The following HTR1E variants were observed in gnomAD, a reference collection of about 807,000 sequenced individuals.
The protein encoded by HTR1E is 5-hydroxytryptamine receptor 1E, also known as 5-HT-1E.
A neutral mutation model predicts 3.4 loss-of-function variants in HTR1E; 3 were observed. The ratio of observed to expected loss-of-function variants is 0.89; its 90% CI spans 0.41 to 2.31. The LOEUF (loss-of-function observed/expected upper bound fraction) is 2.31. Among genes scored for constraint, HTR1E ranks in the 30% most tolerant of loss-of-function variants. HTR1E has a pLI of 0.05. For missense variants in HTR1E, 392 were observed against 467.0 expected (o/e 0.84, Z 1.48); for synonymous variants, 170 against 182.8 (o/e 0.93, Z 0.56).
At chr6:86,955,842 G>T (rs1287869626) in intron 1 of HTR1E, among the ~76,000 whole-genome samples, 1 of 152,036 alleles carries the variant, frequency 6.6e-6, no homozygotes, top group South Asian at 2.1e-4. Context: ...ATTTACACTT[G>T]TTGCTGCAAC....
chr6:86,973,623 T>A (rs1356103362), intron 1 of HTR1E, among the ~76,000 whole-genome samples: 1 of 152,138 alleles, frequency 6.6e-6, no homozygotes, highest in Non-Finnish European at 1.5e-5. Flanking sequence ...TTGCTTCATT[T>A]TAATAGTAAA....
At chr6:87,009,055 ATTTTTTT>A (rs200180275) in intron 1 of HTR1E, among the ~76,000 whole-genome samples, 2 of 141,802 alleles carry the variant, frequency 1.4e-5, no homozygotes, top group African/African-American at 5.2e-5. Context: ...ACTTCTTTTT[ATTTTTTT>A]TTTTTAATTT....
intron 1 of HTR1E, among the ~76,000 whole-genome samples, chr6:86,978,942 C>T (rs891301890): frequency 2.0e-5 from 3 of 152,170 alleles, no homozygotes; most frequent in Non-Finnish European, 4.4e-5. Context: ...GGAAATGATG[C>T]TACACAAATT....
chr6:86,939,079 C>G (rs1477971844), intron 1 of HTR1E, among the ~76,000 whole-genome samples: 2 of 152,198 alleles, frequency 1.3e-5, no homozygotes, highest in East Asian at 3.8e-4. Flanking sequence ...ATTGAGACAG[C>G]TTTTCTCTTT....
Position 87,001,110 on chromosome 6 carries a change from G to A in HTR1E, c.-185-14040G>A, listed in dbSNP as rs564891741. On this transcript the variant is annotated intron_variant, in intron 1 of 1. Coordinates refer to ENST00000305344, the MANE Select transcript of HTR1E (RefSeq NM_000865.3). ...CAGCTTAAAATAATGGGCTGTAAGG[G>A]ATTATTTGCCAGCCTCATGGTAACC... Among the ~76,000 whole-genome samples the A allele has an allele frequency of 3.9e-5, 6 of 152,110 alleles. No individual in the cohort carries two copies. The South Asian group carries it at 1.3e-3, about 32-fold the overall frequency.
intron 1 of HTR1E, among the ~76,000 whole-genome samples, chr6:87,001,658 G>T (rs559538227): frequency 4.7e-4 from 71 of 152,296 alleles, no homozygotes; most frequent in African/African-American, 1.6e-3. Flanking sequence ...GGGCAAGGAA[G>T]CAATCATGAC....
intron 1 of HTR1E, among the ~76,000 whole-genome samples, chr6:86,963,629 T>A (rs576865539): frequency 6.6e-6 from 1 of 152,320 alleles, no homozygotes; most frequent in South Asian, 2.1e-4. Flanking sequence ...ACCATTTTTT[T>A]ATCTTGCATA....
At chr6:86,962,823 G>C (rs567728349) in intron 1 of HTR1E, among the ~76,000 whole-genome samples, 52 of 152,100 alleles carry the variant, frequency 3.4e-4, no homozygotes, top group Admixed American at 6.6e-4. Flanking sequence ...GGGTGACAGA[G>C]CGAGACCCTG....
At chr6:86,988,650 G>A (rs1016426062) in intron 1 of HTR1E, among the ~76,000 whole-genome samples, 1 of 152,088 alleles carries the variant, frequency 6.6e-6, no homozygotes, top group African/African-American at 2.4e-5. Flanking sequence ...TAAACAGTAA[G>A]CATGACTCCC....
intron 1 of HTR1E, among the ~76,000 whole-genome samples, chr6:86,955,814 C>G (rs1767314167): frequency 6.6e-6 from 1 of 151,966 alleles, no homozygotes; most frequent in Non-Finnish European, 1.5e-5. Flanking sequence ...TTTCAAAAAG[C>G]TGAGAAACTG....
intron 1 of HTR1E, among the ~76,000 whole-genome samples, chr6:86,940,977 C>G (rs1768537131): frequency 6.6e-6 from 1 of 152,210 alleles, no homozygotes; most frequent in Admixed American, 6.5e-5. Context: ...ACATAAACCC[C>G]AGGGAAACAT....
At chr6:86,967,459 A>G (rs1767486428) in intron 1 of HTR1E, among the ~76,000 whole-genome samples, 1 of 152,112 alleles carries the variant, frequency 6.6e-6, no homozygotes. Flanking sequence ...AAAAGGTGTG[A>G]TTCAATGGAG....
At chr6:86,939,890 T>G (rs558609468) in intron 1 of HTR1E, among the ~76,000 whole-genome samples, 61 of 152,368 alleles carry the variant, frequency 4.0e-4, no homozygotes, top group African/African-American at 1.3e-3. Flanking sequence ...TGATGTCACC[T>G]TTATTAGCCA....
chr6:86,994,300 A>G (rs1322067968), intron 1 of HTR1E, among the ~76,000 whole-genome samples: 1 of 152,170 alleles, frequency 6.6e-6, no homozygotes, highest in Non-Finnish European at 1.5e-5. Flanking sequence ...CACAAATATA[A>G]TAAGTCAAAA....
chr6:86,952,968 C>T (rs1439871699), intron 1 of HTR1E, among the ~76,000 whole-genome samples: 1 of 152,128 alleles, frequency 6.6e-6, no homozygotes, highest in Non-Finnish European at 1.5e-5. Flanking sequence ...TTATGGGCTT[C>T]CATTATTGTT....
At chr6:87,010,771 C>T (rs1286380426) in intron 1 of HTR1E, among the ~76,000 whole-genome samples, 1 of 151,412 alleles carries the variant, frequency 6.6e-6, no homozygotes, top group East Asian at 2.0e-4. Context: ...GCTGCAATCT[C>T]GGCACTTTGG....
At chr6:86,978,032 T>C (rs34095967) in intron 1 of HTR1E, among the ~76,000 whole-genome samples, 11,360 of 152,280 alleles carry the variant, frequency 0.075, 550 homozygotes, top group East Asian at 0.15. Context: ...ACAGAACAAT[T>C]TGATGAAGAT....
intron 1 of HTR1E, among the ~76,000 whole-genome samples, chr6:86,963,100 C>T (rs1767430454): frequency 6.6e-6 from 1 of 152,122 alleles, no homozygotes; most frequent in Non-Finnish European, 1.5e-5. Context: ...AAAGACCTTC[C>T]TGTGGGACAA....
chr6:86,980,149 A>T (rs1365556455), intron 1 of HTR1E, among the ~76,000 whole-genome samples: 1 of 152,152 alleles, frequency 6.6e-6, no homozygotes, highest in Non-Finnish European at 1.5e-5. Context: ...GCACTTTGGG[A>T]GGCCGAGGCG....
Sources: gnomAD v4.1 joint callset for allele counts (sites outside exome capture counted in the v4.1 genomes callset) on GRCh38, gnomAD v4.1.1 for gene constraint, MANE v1.5 for transcripts, NCBI Gene and HGNC (gene_info 2026-07-23, HGNC 2026-07-21) for gene names.